CYTH3: variants seen among roughly 807,000 people sequenced by gnomAD.
The protein encoded by CYTH3 is cytohesin 3, also known as cytohesin-3.
Under a neutral mutation model 55.1 loss-of-function variants are expected in CYTH3, and 23 were observed. The observed-to-expected ratio is 0.42, with a 90% CI of 0.30 to 0.59. CYTH3 has a LOEUF of 0.59. Among genes scored for constraint, CYTH3 ranks in the 20% least tolerant of loss-of-function variants. CYTH3 has a pLI of 0.20. For missense variants in CYTH3, 413 were observed against 524.8 expected (o/e 0.79, Z 2.08); for synonymous variants, 249 against 194.9 (o/e 1.28, Z -2.31).
At chr7:6,229,280 C>T (rs1779325960) in intron 1 of CYTH3, among the ~76,000 whole-genome samples, 1 of 152,148 alleles carries the variant, frequency 6.6e-6, no homozygotes, top group South Asian at 2.1e-4. Context: ...AATGACAAAA[C>T]ATTTGTTTCT....
At chr7:6,181,617 C>G (rs1349095655) in intron 4 of CYTH3, among the ~76,000 whole-genome samples, 1 of 152,080 alleles carries the variant, frequency 6.6e-6, no homozygotes, top group East Asian at 1.9e-4. Context: ...AATTTTTATC[C>G]TGCTTGGCAT....
At chr7:6,183,108 T>G (rs764093195) in intron 4 of CYTH3, among the ~76,000 whole-genome samples, 4 of 152,228 alleles carry the variant, frequency 2.6e-5, no homozygotes, top group Non-Finnish European at 5.9e-5. Flanking sequence ...TTTCACGGAC[T>G]AAGTGCTCCC....
At chr7:6,202,151 C>T (rs900840197) in intron 1 of CYTH3, among the ~76,000 whole-genome samples, 2 of 152,194 alleles carry the variant, frequency 1.3e-5, no homozygotes, top group African/African-American at 4.8e-5. Flanking sequence ...GGGCCCAGCA[C>T]CCAGGCCTCA....
intron 1 of CYTH3, among the ~76,000 whole-genome samples, chr7:6,252,592 T>A (rs1780001011): frequency 6.6e-6 from 1 of 152,192 alleles, no homozygotes; most frequent in African/African-American, 2.4e-5. Flanking sequence ...ATGAGTTTGC[T>A]GTGCCCATCA....
intron 6 of CYTH3, chr7:6,172,990 C>A: frequency 3.7e-6 from 4 of 1,093,544 alleles, no homozygotes; most frequent in Non-Finnish European, 3.4e-6. Flanking sequence ...TGACGAGGTG[C>A]GGCCTGATTT....
intron 12 of CYTH3, 32 bp downstream of exon 12, chr7:6,165,241 G>C (rs762373616): frequency 1.3e-6 from 2 of 1,590,478 alleles, no homozygotes; most frequent in Admixed American, 1.8e-5. Flanking sequence ...ACGAGAAGAC[G>C]GGCCTGGCCC....
rs377175445 is a variant in CYTH3, at chr7:6,174,935, G to T, written c.369-1202C>A. Among the ~76,000 whole-genome samples, 520 of 152,246 alleles carry T rather than the reference G, an allele frequency of 3.4e-3. 2 individuals are homozygous for T. The highest frequency in any genetic ancestry group is 0.012 in the African/African-American group (501 of 41,534). On this transcript the variant is annotated intron_variant, in intron 5 of 12. Transcript: ENST00000350796. ...TGGCCACTTGTGTAACGTCTATTCA[G>T]ATCCTTTGCCAGTTTATAACTGAGT... is the stretch of plus-strand genomic sequence containing the variant.
chr7:6,210,607 G>C (rs1013210752), intron 1 of CYTH3, among the ~76,000 whole-genome samples: 1 of 152,124 alleles, frequency 6.6e-6, no homozygotes, highest in African/African-American at 2.4e-5. Flanking sequence ...TGGAACTTTG[G>C]CTAAAAATGC....
intron 5 of CYTH3, among the ~76,000 whole-genome samples, chr7:6,174,741 G>A (rs895942952): frequency 2.6e-5 from 4 of 151,600 alleles, no homozygotes; most frequent in African/African-American, 4.9e-5. Flanking sequence ...TAGAGACGGG[G>A]TTTCACCGTG....
At chr7:6,234,803 AC>A (rs1779475706) in intron 1 of CYTH3, among the ~76,000 whole-genome samples, 2 of 152,226 alleles carry the variant, frequency 1.3e-5, no homozygotes, top group South Asian at 4.1e-4. Flanking sequence ...AAGAAAAGTC[AC>A]CCTGAAGGAG....
chr7:6,251,009 T>G (rs1359585721), intron 1 of CYTH3, among the ~76,000 whole-genome samples: 7 of 152,226 alleles, frequency 4.6e-5, no homozygotes, highest in Admixed American at 2.6e-4. Context: ...CCGGGCTCAG[T>G]GGCTCACGCC....
intron 4 of CYTH3, among the ~76,000 whole-genome samples, chr7:6,178,986 T>C (rs2128540662): frequency 6.6e-6 from 1 of 152,318 alleles, no homozygotes; most frequent in East Asian, 1.9e-4. Flanking sequence ...CAGGAGGCCA[T>C]TTCTACAAAT....
intron 1 of CYTH3, among the ~76,000 whole-genome samples, chr7:6,223,262 C>A (rs552691467): frequency 2.5e-4 from 38 of 151,616 alleles, no homozygotes; most frequent in African/African-American, 8.5e-4. Flanking sequence ...CTGTGCCAGG[C>A]CGCCCCGTCT....
chr7:6,187,308 C>A (rs1162831806), intron 3 of CYTH3, among the ~76,000 whole-genome samples, 192 bp from the exon 4 acceptor site: 2 of 152,228 alleles, frequency 1.3e-5, no homozygotes, highest in Non-Finnish European at 2.9e-5. Context: ...CATTTGATAA[C>A]TTGAGACACT....
At chr7:6,266,847 T>C (rs1309962916) in intron 1 of CYTH3, among the ~76,000 whole-genome samples, 2 of 152,230 alleles carry the variant, frequency 1.3e-5, no homozygotes, top group Non-Finnish European at 2.9e-5. Flanking sequence ...CATCTAAACA[T>C]GAGCTCCATG....
At chr7:6,188,237 G>A (rs950328424) in intron 2 of CYTH3, among the ~76,000 whole-genome samples, 1 of 151,998 alleles carries the variant, frequency 6.6e-6, no homozygotes, top group Non-Finnish European at 1.5e-5. Flanking sequence ...AGAGGCTGAG[G>A]AGGGAGGACT....
Position 6,171,056 on chromosome 7 carries a change from G to T in CYTH3, c.563-78C>A, listed in dbSNP as rs185002858. 3 of 1,595,906 alleles carry T rather than the reference G, an allele frequency of 1.9e-6. No individual in the cohort carries two copies. Among genetic ancestry groups the T allele is most frequent in the African/African-American group, 2.7e-5 (2 of 74,706 alleles). ...GACCCCGCGTGCTGGGGGCCCGCCTGCAAGAGGTGCCCGGCCCACAGGTCG... is the reference window on the plus strand; with the variant it reads ...GACCCCGCGTGCTGGGGGCCCGCCTTCAAGAGGTGCCCGGCCCACAGGTCG... On this transcript the variant is annotated intron_variant, in intron 7 of 12. Transcript: ENST00000350796. The surrounding 1 kb of genome is among the most constrained non-coding windows in gnomAD (Gnocchi z 6.7).
At chr7:6,229,808 C>T in intron 1 of CYTH3, among the ~76,000 whole-genome samples, 1 of 150,324 alleles carries the variant, frequency 6.7e-6, no homozygotes, top group Non-Finnish European at 1.5e-5. Context: ...CAGAAAGAGA[C>T]CCTGTCTCAA....
At chr7:6,201,369 C>A (rs1784056306) in intron 1 of CYTH3, among the ~76,000 whole-genome samples, 1 of 152,220 alleles carries the variant, frequency 6.6e-6, no homozygotes, top group South Asian at 2.1e-4. Context: ...ATTCTCGCCA[C>A]CTCCTTGGAA....
Sources: gnomAD v4.1 joint callset for allele counts (sites outside exome capture counted in the v4.1 genomes callset) on GRCh38, gnomAD v4.1.1 for gene constraint, Gnocchi (gnomAD v3.1) non-coding constraint, MANE v1.5 for transcripts, NCBI Gene and HGNC (gene_info 2026-07-23, HGNC 2026-07-21) for gene names.